Variants in FGD3 observed in about 807,000 individuals in gnomAD.
FGD3 encodes the protein FYVE, RhoGEF and PH domain containing 3.
FGD3 carries 45 observed loss-of-function variants against 71.8 expected under a neutral mutation model. That is an observed-to-expected ratio of 0.63 (90% confidence interval 0.49 to 0.80). FGD3 has a LOEUF of 0.80. Ranked by LOEUF, FGD3 falls within the 30% of genes least tolerant of loss-of-function variation. FGD3 has a pLI of 0.00. For missense variants in FGD3, 844 were observed against 951.5 expected, an observed-to-expected ratio of 0.89 and a Z score of 1.49; for synonymous variants, 378 against 392.8, an observed-to-expected ratio of 0.96 and a Z score of 0.44.
chr9:93,008,154 C>A (rs1861143809), intron 6 of FGD3, among the ~76,000 whole-genome samples: 1 of 151,986 alleles, frequency 6.6e-6, no homozygotes, highest in African/African-American at 2.4e-5. Context: ...CCTCTAAACT[C>A]ATACAGATGA....
At chr9:93,021,730 C>T (rs999205332) in intron 13 of FGD3, among the ~76,000 whole-genome samples, 1 of 152,176 alleles carries the variant, frequency 6.6e-6, no homozygotes, top group African/African-American at 2.4e-5. Flanking sequence ...CCTGGCACAG[C>T]CCACCTCCCC....
At chr9:92,984,219 C>T (rs1187781726) in intron 3 of FGD3, among the ~76,000 whole-genome samples, 2 of 152,224 alleles carry the variant, frequency 1.3e-5, no homozygotes, top group Admixed American at 6.5e-5. Flanking sequence ...TGACCATCTA[C>T]GGCATGCTTG....
At chr9:92,955,893 A>G (rs112938984) in intron 1 of FGD3, among the ~76,000 whole-genome samples, 2,854 of 152,332 alleles carry the variant, frequency 0.019, 99 homozygotes, top group African/African-American at 0.064. Context: ...GAATTCATGC[A>G]GGGGAATCAT....
chr9:92,992,613 T>C (rs528899254), intron 3 of FGD3, among the ~76,000 whole-genome samples: 41 of 152,196 alleles, frequency 2.7e-4, no homozygotes, highest in Admixed American at 2.0e-3. Context: ...GGGCCCAAGC[T>C]CTATGCATCT....
At chr9:92,980,133 G>A (rs7869056) in intron 3 of FGD3, among the ~76,000 whole-genome samples, 90,397 of 151,568 alleles carry the variant, frequency 0.6, 27,159 homozygotes, top group South Asian at 0.67. Context: ...CAATTCTCCC[G>A]CCCCAGCCTC....
intron 3 of FGD3, among the ~76,000 whole-genome samples, chr9:92,998,475 A>G (rs1250927965): frequency 6.6e-6 from 1 of 152,076 alleles, no homozygotes; most frequent in African/African-American, 2.4e-5. Flanking sequence ...ACTTTCGTCA[A>G]CTCACCAAAG....
At chr9:92,960,786 G>A (rs1439976194) in intron 1 of FGD3, among the ~76,000 whole-genome samples, 1 of 152,132 alleles carries the variant, frequency 6.6e-6, no homozygotes, top group East Asian at 1.9e-4. Context: ...GAGAAATTAG[G>A]CCAGGGGCTG....
At chr9:92,960,183 T>C (rs1469636810) in intron 1 of FGD3, among the ~76,000 whole-genome samples, 1 of 152,018 alleles carries the variant, frequency 6.6e-6, no homozygotes, top group African/African-American at 2.4e-5. Flanking sequence ...TGTCCACTTA[T>C]CCTCACATCC....
At chr9:93,001,982 T>C (rs1860872919) in intron 3 of FGD3, among the ~76,000 whole-genome samples, 1 of 152,140 alleles carries the variant, frequency 6.6e-6, no homozygotes, top group Non-Finnish European at 1.5e-5. Flanking sequence ...CTGCTTCCAC[T>C]ATGTGAGGGG....
chr9:93,006,736 T>A (rs1395765882), intron 6 of FGD3, among the ~76,000 whole-genome samples: 3 of 151,986 alleles, frequency 2.0e-5, no homozygotes, highest in Admixed American at 6.5e-5. Flanking sequence ...TTATTTTATT[T>A]TTTTTTTTGA....
At chr9:93,029,313 T>C (rs1041956831) in intron 14 of FGD3, among the ~76,000 whole-genome samples, 13 of 152,172 alleles carry the variant, frequency 8.5e-5, no homozygotes, top group African/African-American at 3.1e-4. Flanking sequence ...AGTGCTGGGA[T>C]TACAGGCATG....
At chr9:92,999,173 T>C (rs113640010) in intron 3 of FGD3, among the ~76,000 whole-genome samples, 8,073 of 152,218 alleles carry the variant, frequency 0.053, 284 homozygotes, top group East Asian at 0.15. Flanking sequence ...TCAGCAATGG[T>C]GGACGCCCCT....
At chr9:92,957,598 T>A (rs1859083753) in intron 1 of FGD3, among the ~76,000 whole-genome samples, 1 of 152,110 alleles carries the variant, frequency 6.6e-6, no homozygotes, top group Non-Finnish European at 1.5e-5. Flanking sequence ...TTTTGTATTC[T>A]GGACACAAAT....
intron 3 of FGD3, among the ~76,000 whole-genome samples, chr9:92,997,594 T>C (rs1860696909): frequency 6.6e-6 from 1 of 152,216 alleles, no homozygotes; most frequent in South Asian, 2.1e-4. Context: ...TTTGGCACGT[T>C]TTTGCAGTGG....
In FGD3 at chr9:92,962,953, A is replaced by AG. The variant is rs1239436248; in HGVS notation, c.-217-12285_-217-12284insG. 2.7e-5 allele frequency among the ~76,000 whole-genome samples: 4 copies of AG among 150,266 alleles called. 1 individual carries two copies. The highest frequency in any genetic ancestry group is 4.9e-5 in the African/African-American group (2 of 41,160). ...AGGCTCCGTCTCAAAAAAAAAAAAA[A>AG]AAAGAAAAGAAAAGATTAAGTTCAG... On this transcript the variant is annotated intron_variant, in intron 1 of 17. Transcript: ENST00000375482.
intron 8 of FGD3, among the ~76,000 whole-genome samples, chr9:93,012,408 G>A (rs1268598636): frequency 2.0e-5 from 3 of 152,064 alleles, no homozygotes; most frequent in South Asian, 2.1e-4. Context: ...AGTGGTCCCC[G>A]GCCTGCCCCG....
intron 6 of FGD3, among the ~76,000 whole-genome samples, chr9:93,007,794 G>GC (rs1300118695): frequency 1.3e-5 from 2 of 152,168 alleles, no homozygotes; most frequent in Non-Finnish European, 2.9e-5. Context: ...AGGTGACTTT[G>GC]CCCCCCGGGG....
intron 3 of FGD3, among the ~76,000 whole-genome samples, chr9:92,982,969 C>T (rs1046422243): frequency 6.6e-6 from 1 of 151,938 alleles, no homozygotes; most frequent in African/African-American, 2.4e-5. Context: ...GCCTATAATC[C>T]CAGCTACTTG....
intron 13 of FGD3, among the ~76,000 whole-genome samples, chr9:93,021,053 C>G (rs918335018): frequency 2.6e-5 from 4 of 152,238 alleles, no homozygotes; most frequent in Non-Finnish European, 5.9e-5. Context: ...CTGAGGAGCT[C>G]TGTGACGTCC....
Sources: allele counts gnomAD v4.1 joint callset (sites outside exome capture counted in the v4.1 genomes callset), GRCh38; gene constraint gnomAD v4.1.1; transcripts MANE v1.5; gene names NCBI Gene and HGNC (gene_info 2026-07-23, HGNC 2026-07-21).